NELL1: variants seen among roughly 807,000 people sequenced by gnomAD.
NELL1 encodes protein kinase C-binding protein NELL1.
NELL1 carries 76 observed loss-of-function variants against 107.4 expected under a neutral mutation model. That is an observed-to-expected ratio of 0.71 (90% CI 0.59 to 0.86). NELL1 has a LOEUF of 0.86. NELL1 is among the 40% of genes least tolerant of loss of function. The pLI, the probability that NELL1 is intolerant of heterozygous loss-of-function variation, is 0.00. For missense variants in NELL1, 1,024 were observed against 1,005.5 expected, an observed-to-expected ratio of 1.02 and a Z score of -0.25; for synonymous variants, 353 against 341.2, an observed-to-expected ratio of 1.03 and a Z score of -0.38.
intron 12 of NELL1, among the ~76,000 whole-genome samples, chr11:21,092,010 C>G (rs1854532981): frequency 6.6e-6 from 1 of 152,078 alleles, no homozygotes; most frequent in African/African-American, 2.4e-5. Context: ...TATATTTGCT[C>G]AAGGAACAGG....
chr11:21,475,936 A>G (rs997412520), intron 15 of NELL1, among the ~76,000 whole-genome samples: 4 of 152,122 alleles, frequency 2.6e-5, no homozygotes, highest in African/African-American at 9.7e-5. Flanking sequence ...TCTTTGCTTT[A>G]CTTTCTTAGT....
chr11:21,332,271 A>G (rs1850288667), intron 14 of NELL1, among the ~76,000 whole-genome samples: 1 of 151,962 alleles, frequency 6.6e-6, no homozygotes, highest in African/African-American at 2.4e-5. Flanking sequence ...GAGATTTCCA[A>G]AGTGTTCTCT....
intron 15 of NELL1, among the ~76,000 whole-genome samples, chr11:21,371,829 T>C (rs1008783823): frequency 6.6e-6 from 1 of 152,110 alleles, no homozygotes; most frequent in Non-Finnish European, 1.5e-5. Flanking sequence ...TGTCTTCATC[T>C]GGTGCCAGAG....
Position 21,469,808 on chromosome 11 carries a change from A to G in NELL1, c.1646-64566A>G, listed in dbSNP as rs1854127423. On this transcript the variant is annotated intron_variant, in intron 15 of 19. Coordinates refer to ENST00000357134, the MANE Select transcript of NELL1 (RefSeq NM_006157.5). ...TATGGAGTCGAGGGTGGTGGGTTGTAGTATCTTGAATCCACAACATTGTAC... is the reference window on the plus strand; with the variant it reads ...TATGGAGTCGAGGGTGGTGGGTTGTGGTATCTTGAATCCACAACATTGTAC... Among the ~76,000 whole-genome samples, 8 of 152,188 alleles carry G rather than the reference A, an allele frequency of 5.3e-5. No individual in the cohort carries two copies. The South Asian group carries it at 1.2e-3, about 24-fold the overall frequency.
In NELL1 at chr11:21,534,696, G is replaced by T. The variant is rs1432875617; in HGVS notation, c.1786+182G>T. Among the ~76,000 whole-genome samples the T allele has an allele frequency of 2.0e-5, 3 of 152,246 alleles. No homozygotes were observed. In the East Asian group the frequency reaches 5.8e-4, roughly 29 times the overall value. On this transcript the variant is annotated intron_variant, in intron 16 of 19. Coordinates refer to ENST00000357134, the MANE Select transcript of NELL1 (RefSeq NM_006157.5). ...GGCCAGGGATCATGCAAAGTGGGGTGCTAGAATTTTTATATAGAAACTGTG... is the reference window on the plus strand; with the variant it reads ...GGCCAGGGATCATGCAAAGTGGGGTTCTAGAATTTTTATATAGAAACTGTG...
intron 11 of NELL1, among the ~76,000 whole-genome samples, chr11:20,954,283 G>C (rs750510680): frequency 2.6e-5 from 4 of 152,202 alleles, no homozygotes; most frequent in Non-Finnish European, 4.4e-5. Flanking sequence ...ATCTGTAGCA[G>C]ATTATTTGGG....
chr11:20,980,699 C>T (rs948306188), intron 12 of NELL1, among the ~76,000 whole-genome samples: 36 of 152,346 alleles, frequency 2.4e-4, no homozygotes, highest in African/African-American at 8.7e-4. Context: ...TATCTCCTCT[C>T]TCTGTCTCTC....
chr11:20,752,256 A>T (rs111332495), intron 2 of NELL1, among the ~76,000 whole-genome samples: 5,237 of 152,296 alleles, frequency 0.034, 295 homozygotes, highest in African/African-American at 0.12. Flanking sequence ...AGATTTAAAA[A>T]ATAAAATCCT....
chr11:21,072,607 AG>A (rs1178062962), intron 12 of NELL1, among the ~76,000 whole-genome samples: 2 of 152,194 alleles, frequency 1.3e-5, no homozygotes, highest in East Asian at 3.8e-4. Context: ...GACTAAAGAT[AG>A]GTGGTTAAGT....
chr11:20,935,840 C>G (rs767640977), intron 9 of NELL1: 11 of 152,282 alleles, frequency 7.2e-5, no homozygotes, highest in Admixed American at 4.6e-4. Flanking sequence ...GATTTGGACA[C>G]TGATTGGACA....
intron 13 of NELL1, chr11:21,169,849 G>A (rs940105479): frequency 7.1e-7 from 1 of 1,417,888 alleles, no homozygotes; most frequent in Non-Finnish European, 9.9e-7. Context: ...GCACCCCAGA[G>A]TCCCCCCAGG....
At chr11:21,115,265 G>A (rs546689982) in intron 13 of NELL1, among the ~76,000 whole-genome samples, 7 of 151,914 alleles carry the variant, frequency 4.6e-5, no homozygotes, top group South Asian at 2.1e-4. Flanking sequence ...GTATCAGTGG[G>A]CACCCAAGTG....
chr11:21,312,534 C>T (rs571850030), intron 14 of NELL1, among the ~76,000 whole-genome samples: 4 of 152,110 alleles, frequency 2.6e-5, no homozygotes, highest in African/African-American at 9.7e-5. Context: ...GCTTCAGTAC[C>T]TTACATTTTC....
chr11:21,487,433 C>G (rs1854663518), intron 15 of NELL1, among the ~76,000 whole-genome samples: 2 of 151,430 alleles, frequency 1.3e-5, no homozygotes, highest in Non-Finnish European at 2.9e-5. Context: ...ACAAGATGAG[C>G]CCTACTAAAA....
intron 3 of NELL1, among the ~76,000 whole-genome samples, chr11:20,819,571 T>A (rs2134022846): frequency 6.6e-6 from 1 of 152,320 alleles, no homozygotes; most frequent in Admixed American, 6.5e-5. Context: ...AATTGTTACA[T>A]GAGACTTTTA....
At chr11:21,222,994 G>A (rs1368978473) in intron 13 of NELL1, among the ~76,000 whole-genome samples, 1 of 152,160 alleles carries the variant, frequency 6.6e-6, no homozygotes, top group Non-Finnish European at 1.5e-5. Context: ...TCTATGTGCT[G>A]ATGAGAAGAA....
chr11:20,802,297 C>A (rs2134003490), intron 3 of NELL1, among the ~76,000 whole-genome samples: 1 of 151,912 alleles, frequency 6.6e-6, no homozygotes, highest in Non-Finnish European at 1.5e-5. Context: ...GTATAGAGAT[C>A]TTTCACTTTT....
At chr11:20,852,962 G>A (rs1467822806) in intron 4 of NELL1, among the ~76,000 whole-genome samples, 1 of 152,198 alleles carries the variant, frequency 6.6e-6, no homozygotes, top group African/African-American at 2.4e-5. Flanking sequence ...AGGCAATCAG[G>A]TCTGGGAGAT....
At chr11:20,906,348 G>A (rs1849997688) in intron 5 of NELL1, among the ~76,000 whole-genome samples, 1 of 152,028 alleles carries the variant, frequency 6.6e-6, no homozygotes. Flanking sequence ...TGTTTGAACT[G>A]GTAACAAAAA....
Sources: gnomAD v4.1 joint callset for allele counts (sites outside exome capture counted in the v4.1 genomes callset) on GRCh38, gnomAD v4.1.1 for gene constraint, MANE v1.5 for transcripts, NCBI Gene and HGNC (gene_info 2026-07-23, HGNC 2026-07-21) for gene names.